DGKI: variants seen among roughly 807,000 people sequenced by gnomAD.
DGKI encodes diacylglycerol kinase iota.
A neutral mutation model predicts 147.5 loss-of-function variants in DGKI; 55 were observed. That is an observed-to-expected ratio of 0.37 (90% CI 0.30 to 0.47). The LOEUF (loss-of-function observed/expected upper bound fraction) is 0.47, where lower values mean the gene tolerates loss of function less well. Ranked by LOEUF, DGKI falls within the 20% of genes least tolerant of loss-of-function variation. The probability of loss-of-function intolerance (pLI) is 1.00; values close to 1 mark genes in which losing one functional copy is unlikely to be tolerated. For missense variants in DGKI, 1,007 were observed against 1,323.8 expected, an observed-to-expected ratio of 0.76 and a Z score of 3.71; for synonymous variants, 469 against 477.1, an observed-to-expected ratio of 0.98 and a Z score of 0.22.
intron 4 of DGKI, 89 bp downstream of exon 4, chr7:137,656,377 C>A (rs77988281): frequency 1.4e-6 from 2 of 1,396,816 alleles, no homozygotes; most frequent in African/African-American, 1.4e-5. Flanking sequence ...GCATTGTTTT[C>A]AAAAAGTTGG....
intron 1 of DGKI, among the ~76,000 whole-genome samples, chr7:137,692,879 A>C (rs926391075): frequency 2.0e-5 from 3 of 152,204 alleles, no homozygotes; most frequent in Non-Finnish European, 4.4e-5. Flanking sequence ...AATAAGTAAA[A>C]AACATGAAAG....
At chr7:137,561,447 C>T (rs1818417265) in intron 19 of DGKI, among the ~76,000 whole-genome samples, 1 of 152,074 alleles carries the variant, frequency 6.6e-6, no homozygotes, top group African/African-American at 2.4e-5. Flanking sequence ...CAGGAAAAAA[C>T]TTGTTAAAGG....
At chr7:137,545,671 A>G (rs1243464679) in intron 20 of DGKI, among the ~76,000 whole-genome samples, 1 of 152,198 alleles carries the variant, frequency 6.6e-6, no homozygotes, top group Non-Finnish European at 1.5e-5. Context: ...CATGGACCCT[A>G]AAGTATCTCA....
At chr7:137,689,731 T>C (rs904910281) in intron 2 of DGKI, among the ~76,000 whole-genome samples, 163 bp downstream of exon 2, 2 of 152,202 alleles carry the variant, frequency 1.3e-5, no homozygotes, top group African/African-American at 2.4e-5. Context: ...GTGATGTTCA[T>C]AGGAGTTTGA....
rs115334674 is a variant in DGKI at position 137,481,714 on chromosome 7, G to A, written c.2373+3660C>T. Among the ~76,000 whole-genome samples, 861 of 152,098 alleles carry A rather than the reference G, an allele frequency of 5.7e-3. 8 individuals carry two copies. Among genetic ancestry groups the A allele is most frequent in the African/African-American group, 0.02 (822 of 41,500 alleles). ...CAAAGCAATGAAATGCTTAAGTGGCGAGAAACTGCCACATGGCTCACTAAT... is the reference window on the plus strand; with the variant it reads ...CAAAGCAATGAAATGCTTAAGTGGCAAGAAACTGCCACATGGCTCACTAAT... On this transcript the variant is annotated intron_variant, in intron 23 of 32. Coordinates refer to ENST00000614521, the MANE Select transcript of DGKI (RefSeq NM_001321708.2).
chr7:137,439,493 A>G (rs1813411216), intron 28 of DGKI, among the ~76,000 whole-genome samples: 1 of 152,200 alleles, frequency 6.6e-6, no homozygotes, highest in Non-Finnish European at 1.5e-5. Flanking sequence ...TTACAAAACC[A>G]TCAGATCTCA....
At chr7:137,589,598 A>G (rs911862399) in intron 12 of DGKI, among the ~76,000 whole-genome samples, 2 of 152,242 alleles carry the variant, frequency 1.3e-5, no homozygotes, top group Admixed American at 1.3e-4. Context: ...CACTGCTAAA[A>G]GCACAGATTA....
chr7:137,820,706 G>A (rs1404113329), intron 1 of DGKI, among the ~76,000 whole-genome samples: 1 of 151,880 alleles, frequency 6.6e-6, no homozygotes, highest in Non-Finnish European at 1.5e-5. Context: ...CCAATGTCTG[G>A]GAAAACCCCG....
chr7:137,584,019 T>C (rs1329402362), intron 14 of DGKI, among the ~76,000 whole-genome samples: 1 of 152,170 alleles, frequency 6.6e-6, no homozygotes, highest in African/African-American at 2.4e-5. Flanking sequence ...TATTAAATTA[T>C]AATATATGTA....
intron 28 of DGKI, among the ~76,000 whole-genome samples, chr7:137,417,856 T>G (rs1476627839): frequency 6.6e-6 from 1 of 152,230 alleles, no homozygotes; most frequent in Non-Finnish European, 1.5e-5. Context: ...TATGTGAGGA[T>G]GCAGCAAGAG....
At position 137,517,260 on chromosome 7, in the gene DGKI, GAAAGAAAGAAAGAAAAGAA is replaced by G. The variant is rs1322576025; in HGVS notation, c.2248+4587_2248+4605del. ...AAGAAAGAAAGAAAAGAAAAAGAAA[GAAAGAAAGAAAGAAAAGAA>G]AAAGAAAGAAAGAAAGAAAGAAAGA... is the stretch of plus-strand genomic sequence containing the variant. On this transcript the variant is annotated intron_variant, in intron 21 of 32. Coordinates refer to ENST00000614521, the MANE Select transcript of DGKI (RefSeq NM_001321708.2). 7.2e-3 allele frequency among the ~76,000 whole-genome samples: 744 copies of G among 103,386 alleles called. 4 individuals are homozygous for G. Among genetic ancestry groups the G allele is most frequent in the African/African-American group, 0.032 (625 of 19,684 alleles). The allele number at this position is 103,386 out of a possible 152,430, so 67.8% of individuals were successfully genotyped here.
At chr7:137,700,877 TCAAATAAA>T (rs1563156907) in intron 1 of DGKI, among the ~76,000 whole-genome samples, 2 of 137,016 alleles carry the variant, frequency 1.5e-5, no homozygotes, top group East Asian at 4.2e-4. Context: ...AAGCTCCGTC[TCAAATAAA>T]TAAATAAATA....
chr7:137,446,865 T>A (rs915779477), intron 27 of DGKI, among the ~76,000 whole-genome samples: 5 of 152,184 alleles, frequency 3.3e-5, no homozygotes, highest in African/African-American at 1.2e-4. Flanking sequence ...ATCTTAAACC[T>A]GACAACTGAG....
At chr7:137,683,952 G>A (rs1823329210) in intron 2 of DGKI, among the ~76,000 whole-genome samples, 3 of 152,160 alleles carry the variant, frequency 2.0e-5, no homozygotes, top group South Asian at 4.1e-4. Context: ...AGACAAAGGT[G>A]AGGTGAGTGT....
chr7:137,645,219 A>G (rs891186941), intron 6 of DGKI, among the ~76,000 whole-genome samples: 1 of 152,270 alleles, frequency 6.6e-6, no homozygotes, highest in Non-Finnish European at 1.5e-5. Context: ...TTCAAAAATC[A>G]TCAATGAAAT....
intron 19 of DGKI, 39 bp downstream of exon 19, chr7:137,571,133 CTAA>C: frequency 7.0e-7 from 1 of 1,432,744 alleles, no homozygotes; most frequent in Non-Finnish European, 9.6e-7. Context: ...AACTCTGTGA[CTAA>C]AATACATTTC....
intron 20 of DGKI, among the ~76,000 whole-genome samples, chr7:137,544,063 G>A (rs1330211897): frequency 6.6e-6 from 1 of 151,954 alleles, no homozygotes; most frequent in Non-Finnish European, 1.5e-5. Context: ...AAGTTTTAAG[G>A]TAACCACAAC....
intron 3 of DGKI, among the ~76,000 whole-genome samples, chr7:137,668,998 T>C (rs1204416154): frequency 1.2e-4 from 19 of 152,214 alleles, no homozygotes. Context: ...CTTTTAATTT[T>C]CACAACAACC....
At chr7:137,633,308 GT>G (rs1041823022) in intron 6 of DGKI, among the ~76,000 whole-genome samples, 24 of 149,808 alleles carry the variant, frequency 1.6e-4, no homozygotes, top group African/African-American at 5.6e-4. Flanking sequence ...AATTTCCTTT[GT>G]CCTCAATTGT....
Sources: allele counts gnomAD v4.1 joint callset (sites outside exome capture counted in the v4.1 genomes callset), GRCh38; gene constraint gnomAD v4.1.1; transcripts MANE v1.5; gene names NCBI Gene and HGNC (gene_info 2026-07-23, HGNC 2026-07-21).